GPHN: variants seen among roughly 807,000 people sequenced by gnomAD.
GPHN encodes gephyrin.
A neutral mutation model predicts 95.5 loss-of-function variants in GPHN; 17 were observed. The ratio of observed to expected loss-of-function variants is 0.18; its 90% CI spans 0.12 to 0.27. The LOEUF is 0.27. GPHN is among the 10% of genes least tolerant of loss of function. The probability of loss-of-function intolerance (pLI) is 1.00; values close to 1 mark genes in which losing one functional copy is unlikely to be tolerated. For missense variants in GPHN, 660 were observed against 978.1 expected (o/e 0.67, Z 4.34); for synonymous variants, 320 against 322.5 (o/e 0.99, Z 0.08).
the GPHN span, among the ~76,000 whole-genome samples, chr14:67,452,782 C>A: frequency 6.6e-6 from 1 of 152,206 alleles, no homozygotes. Flanking sequence ...CAGCATCTAC[C>A]TCAGAGACCT....
At chr14:66,548,711 GT>G (rs1230651566) in intron 1 of GPHN, among the ~76,000 whole-genome samples, 4 of 152,162 alleles carry the variant, frequency 2.6e-5, no homozygotes, top group African/African-American at 9.7e-5. Context: ...CTGATTTAAT[GT>G]GAGACACATC....
At chr14:66,611,971 T>G (rs577698294) in intron 1 of GPHN, among the ~76,000 whole-genome samples, 1 of 152,310 alleles carries the variant, frequency 6.6e-6, no homozygotes, top group South Asian at 2.1e-4. Context: ...CTAACATTTC[T>G]ATCCTTTTTG....
At chr14:67,313,990 T>A in the GPHN span, among the ~76,000 whole-genome samples, 20 of 149,972 alleles carry the variant, frequency 1.3e-4, no homozygotes, top group Admixed American at 7.3e-4. Flanking sequence ...AAAAAAAAAA[T>A]AGTTCTGCCA....
intron 10 of GPHN, among the ~76,000 whole-genome samples, chr14:67,040,890 T>C (rs1385834644): frequency 6.6e-6 from 1 of 152,220 alleles, no homozygotes; most frequent in East Asian, 1.9e-4. Context: ...AAAGGGTGTC[T>C]GCGAGATTTC....
chr14:66,681,979 A>G (rs1430384114), intron 2 of GPHN, among the ~76,000 whole-genome samples: 3 of 152,240 alleles, frequency 2.0e-5, no homozygotes, highest in Non-Finnish European at 4.4e-5. Flanking sequence ...TTCATCTCCC[A>G]GATCACATGT....
chr14:66,912,094 A>G (rs937382356), intron 5 of GPHN, among the ~76,000 whole-genome samples: 1 of 152,024 alleles, frequency 6.6e-6, no homozygotes, highest in African/African-American at 2.4e-5. Context: ...CTCACTCTCC[A>G]CTGTAGATAA....
chr14:67,597,950 CAAG>C, the GPHN span, among the ~76,000 whole-genome samples: 9 of 152,042 alleles, frequency 5.9e-5, no homozygotes, highest in Non-Finnish European at 1.0e-4. Context: ...AACTCAAAAA[CAAG>C]AAGGAATGAA....
the GPHN span, among the ~76,000 whole-genome samples, chr14:67,507,028 G>A: frequency 6.6e-6 from 1 of 151,984 alleles, no homozygotes; most frequent in Non-Finnish European, 1.5e-5. Context: ...TTGTTCAAAG[G>A]GAACTGAAGA....
chr14:67,484,089 A>AT, the GPHN span, among the ~76,000 whole-genome samples: 3 of 152,186 alleles, frequency 2.0e-5, no homozygotes, highest in Non-Finnish European at 2.9e-5. Flanking sequence ...GGGACTTTTG[A>AT]TCCCCAGTCC....
chr14:66,592,140 A>G (rs994797816), intron 1 of GPHN, among the ~76,000 whole-genome samples: 4 of 152,230 alleles, frequency 2.6e-5, no homozygotes, highest in African/African-American at 4.8e-5. Context: ...TACACCTCAT[A>G]CAAAAATTAA....
intron 17 of GPHN, among the ~76,000 whole-genome samples, chr14:67,128,710 G>A (rs1346277685): frequency 5.3e-5 from 8 of 152,142 alleles, no homozygotes; most frequent in African/African-American, 1.7e-4. Context: ...GCCAAGGCAG[G>A]TGGATCACAA....
chr14:66,536,012 G>A (rs1410719895), intron 1 of GPHN, among the ~76,000 whole-genome samples: 2 of 152,066 alleles, frequency 1.3e-5, no homozygotes. Flanking sequence ...CCTAAACTTA[G>A]GGGAAAATGT....
chr14:66,842,358 C>T (rs1326860436), intron 4 of GPHN, among the ~76,000 whole-genome samples: 2 of 144,054 alleles, frequency 1.4e-5, no homozygotes, highest in South Asian at 2.2e-4. Context: ...ATTAGAAACC[C>T]GACCTACACA....
chr14:67,025,294 G>T (rs958929824), intron 10 of GPHN, among the ~76,000 whole-genome samples: 1 of 152,064 alleles, frequency 6.6e-6, no homozygotes. Flanking sequence ...ATCTCTGTAA[G>T]GGGTACGTTC....
chr14:67,234,985 G>A, the GPHN span, among the ~76,000 whole-genome samples: 455 of 151,804 alleles, frequency 3.0e-3, 1 homozygote, highest in South Asian at 5.6e-3. Context: ...GCAAAACCCT[G>A]CCTCTACTAA....
intron 1 of GPHN, among the ~76,000 whole-genome samples, chr14:66,641,620 C>T (rs2064414790): frequency 1.3e-5 from 2 of 150,442 alleles, no homozygotes; most frequent in Non-Finnish European, 3.0e-5. Flanking sequence ...GTCAGTAGTA[C>T]CAACCATCAA....
At position 66,952,602 on chromosome 14, in the gene GPHN, A is replaced by G. The variant is rs142703097; in HGVS notation, c.829-12589A>G. On this transcript the variant is annotated intron_variant, in intron 8 of 22. Coordinates refer to ENST00000478722, the MANE Select transcript of GPHN (RefSeq NM_020806.5). ...TATGTTAACTTTTAAGGAAGTGCCAAACTATTATCCATAGAGCTGCATCAT... is the reference window on the plus strand; with the variant it reads ...TATGTTAACTTTTAAGGAAGTGCCAGACTATTATCCATAGAGCTGCATCAT... Among the ~76,000 whole-genome samples, 457 of 152,302 alleles carry G rather than the reference A, an allele frequency of 3.0e-3. 3 individuals carry two copies. Among genetic ancestry groups the G allele is most frequent in the African/African-American group, 0.011 (439 of 41,566 alleles).
At chr14:67,333,310 TCA>T in the GPHN span, 2 of 170,294 alleles carry the variant, frequency 1.2e-5, no homozygotes. Flanking sequence ...CGTCCATGTC[TCA>T]CACAAATATT....
At chr14:66,701,098 GCATGCGCA>G (rs1204700042) in intron 2 of GPHN, among the ~76,000 whole-genome samples, 5 of 152,130 alleles carry the variant, frequency 3.3e-5, no homozygotes, top group Non-Finnish European at 5.9e-5. Context: ...GGTTATCTGT[GCATGCGCA>G]CATGTGCACA....
Sources: gnomAD v4.1 joint callset for allele counts (sites outside exome capture counted in the v4.1 genomes callset) on GRCh38, gnomAD v4.1.1 for gene constraint, MANE v1.5 for transcripts, NCBI Gene and HGNC (gene_info 2026-07-23, HGNC 2026-07-21) for gene names.